Variants in GTF3C1 observed in about 807,000 individuals in gnomAD.
GTF3C1 encodes the protein general transcription factor IIIC subunit 1.
GTF3C1 carries 57 observed loss-of-function variants against 226.7 expected under a neutral mutation model. The ratio of observed to expected loss-of-function variants is 0.25; its 90% confidence interval spans 0.20 to 0.31. The LOEUF is 0.31. Ranked by LOEUF, GTF3C1 falls within the 10% of genes least tolerant of loss-of-function variation. The pLI is 1.00. For missense variants in GTF3C1, 2,217 were observed against 2,776.1 expected (o/e 0.80, Z 4.53); for synonymous variants, 1,090 against 1,084.8 (o/e 1.00, Z -0.09).
At chr16:27,544,195 C>G (rs1309106294) in intron 2 of GTF3C1, among the ~76,000 whole-genome samples, 1 of 151,818 alleles carries the variant, frequency 6.6e-6, no homozygotes, top group Admixed American at 6.6e-5. Context: ...TTGAGACCAG[C>G]CTGAGCAACA....
chr16:27,511,640 A>G (rs777814701), intron 7 of GTF3C1, 109 bp downstream of exon 7: 17 of 1,183,848 alleles, frequency 1.4e-5, no homozygotes, highest in Non-Finnish European at 2.0e-5. Context: ...GGCACTTCCC[A>G]TTGTATTACA....
Position 27,462,760 on chromosome 16 carries a change from G to T in GTF3C1, c.5925-274C>A. On this transcript the variant is annotated intron_variant, in intron 35 of 36. Transcript: ENST00000356183. This position sits in a 1 kb window ranked among gnomAD's most constrained non-coding sequence, Gnocchi z 4.5. ...GGCCCACCCACATTGGCAGGAGAGG[G>T]ACAAGGGTTGTGACTCCTGGACTTG... is the stretch of plus-strand genomic sequence containing the variant. 2.2e-6 allele frequency: 1 copy of T among 447,236 alleles called. No homozygotes were observed. The highest frequency in any genetic ancestry group is 4.1e-6 in the Non-Finnish European group (1 of 244,890). 27.7% of individuals were successfully genotyped at this position (447,236 alleles called of 1,614,324 possible). A position where few individuals can be genotyped will look rare whatever the true frequency, so the allele number is the denominator to read the frequency against.
Position 27,461,999 on chromosome 16 carries a change from A to C in GTF3C1, c.6117+295T>G. ...GCAGGAAGCAGCTGCACCAGGGGGC[A>C]GCTGCTTGACCCGTGGGGCCCGGCG... On this transcript the variant is annotated intron_variant, in intron 36 of 36. Transcript: ENST00000356183. This position sits in a 1 kb window ranked among gnomAD's most constrained non-coding sequence, Gnocchi z 5.3. 2.4e-6 allele frequency: 1 copy of C among 420,236 alleles called. No individual in the cohort carries two copies. The highest frequency in any genetic ancestry group is 4.3e-6 in the Non-Finnish European group (1 of 232,988). The allele number at this position is 420,236 out of a possible 1,614,324, so 26.0% of individuals were successfully genotyped here.
At chr16:27,528,499 C>T in intron 6 of GTF3C1, 99 bp downstream of exon 6, 1 of 931,660 alleles carries the variant, frequency 1.1e-6, no homozygotes, top group Non-Finnish European at 1.7e-6. Flanking sequence ...ATCATTATGC[C>T]ACAAGGCAGA....
chr16:27,484,905 G>GT (rs2088112718), intron 24 of GTF3C1, among the ~76,000 whole-genome samples: 2 of 152,232 alleles, frequency 1.3e-5, no homozygotes, highest in African/African-American at 4.8e-5. Flanking sequence ...CAAAAAGTCT[G>GT]TAAGTTCTGG....
chr16:27,514,779 C>T (rs1417036405), intron 6 of GTF3C1, among the ~76,000 whole-genome samples: 2 of 152,220 alleles, frequency 1.3e-5, no homozygotes, highest in African/African-American at 4.8e-5. Flanking sequence ...AACAAATGCC[C>T]CTTTGCTAGT....
rs1195192799 is a variant in GTF3C1 at position 27,498,072 on chromosome 16, C to T, written c.2166-251G>A. Among the ~76,000 whole-genome samples the T allele has an allele frequency of 2.6e-5, 4 of 152,158 alleles. No homozygotes were observed. In the South Asian group the frequency reaches 8.3e-4, roughly 32 times the overall value. On this transcript the variant is annotated intron_variant, in intron 13 of 36. Coordinates refer to ENST00000356183, the MANE Select transcript of GTF3C1 (RefSeq NM_001520.4). ...CTGCCTTGTGAGAAAGGGAACCCAACGTGCTAGATCTTCAGACATGTGCAT... is the reference window on the plus strand; with the variant it reads ...CTGCCTTGTGAGAAAGGGAACCCAATGTGCTAGATCTTCAGACATGTGCAT...
intron 10 of GTF3C1, among the ~76,000 whole-genome samples, chr16:27,505,553 G>A (rs1289987878): frequency 6.6e-6 from 1 of 152,148 alleles, no homozygotes; most frequent in Non-Finnish European, 1.5e-5. Context: ...AGAGAGTTGT[G>A]GCATCCAATG....
At chr16:27,505,319 G>C (rs561525771) in intron 10 of GTF3C1, among the ~76,000 whole-genome samples, 4 of 152,158 alleles carry the variant, frequency 2.6e-5, no homozygotes, top group Admixed American at 2.6e-4. Flanking sequence ...AAATGATATT[G>C]GCCATTTATC....
intron 5 of GTF3C1, 114 bp from the exon 6 acceptor site, chr16:27,528,835 GT>G: frequency 1.9e-6 from 2 of 1,048,256 alleles, no homozygotes; most frequent in Admixed American, 3.9e-5. Context: ...TTATCTTGAG[GT>G]ACTAATGAGG....
At chr16:27,523,928 A>G (rs1401311123) in intron 6 of GTF3C1, among the ~76,000 whole-genome samples, 1 of 152,172 alleles carries the variant, frequency 6.6e-6, no homozygotes, top group Non-Finnish European at 1.5e-5. Context: ...GACCGTCATC[A>G]TCTTGGTGCC....
chr16:27,492,571 C>A lies in GTF3C1; in HGVS notation c.2973+46G>T, dbSNP rs768812849. 4 of 1,542,434 alleles carry A rather than the reference C, an allele frequency of 2.6e-6. No individual in the cohort carries two copies. The highest frequency in any genetic ancestry group is 1.1e-5 in the South Asian group (1 of 89,660). The stretch of plus-strand genomic sequence containing the variant: ...ACATTGGGTCTGGCTGCTTGGAGAC[C>A]GTTTAACAATCAGAATTTCCTTCGT... On this transcript the variant is annotated intron_variant, in intron 18 of 36. Transcript: ENST00000356183. The surrounding 1 kb of genome is among the most constrained non-coding windows in gnomAD (Gnocchi z 5.0).
chr16:27,495,199 G>A lies in GTF3C1; in HGVS notation c.2632+12C>T. The A allele has an allele frequency of 1.9e-6, 3 of 1,596,630 alleles. No individual in the cohort carries two copies. Among genetic ancestry groups the A allele is most frequent in the Non-Finnish European group, 2.6e-6 (3 of 1,166,622 alleles). ...GCCCGCCCCAGGTGCAGGAGTGGCA[G>A]GGGCCTCTCACCTGTCTCCGTGGCA... On this transcript the variant is annotated intron_variant, in intron 15 of 36. Coordinates refer to ENST00000356183, the MANE Select transcript of GTF3C1 (RefSeq NM_001520.4).
In GTF3C1 at chr16:27,538,205, G is replaced by C; in HGVS notation, c.583C>G (p.Arg195Gly). 1 of 1,582,218 alleles carries C rather than the reference G, an allele frequency of 6.3e-7. No individual in the cohort carries two copies. The highest frequency in any genetic ancestry group is 8.6e-7 in the Non-Finnish European group (1 of 1,167,028). Residue 195 changes from arginine (R) to glycine (G), a missense_variant, in exon 3 of 37, where the codon CGA becomes GGA. By Grantham distance (125) the Arg-to-Gly change is moderately radical. Around this residue, in one of 12 missense-constraint regions of GTF3C1, gnomAD observed 192 missense variants for 251.8 expected, o/e 0.76. Coordinates refer to ENST00000356183, the MANE Select transcript of GTF3C1 (RefSeq NM_001520.4). ...GRSRWQGELQ[R>G]DLHTTAFKVD... The stretch of plus-strand genomic sequence containing the variant: ...TTGAAAGCAGTGGTGTGAAGGTCTC[G>C]CTGGAGCTCCCCTTGCCACCTGGAC...
chr16:27,527,989 A>G (rs907683825), intron 6 of GTF3C1, among the ~76,000 whole-genome samples: 5 of 148,446 alleles, frequency 3.4e-5, no homozygotes, highest in African/African-American at 1.3e-4. Context: ...AAAAAAAAAA[A>G]GAGGCTGAGT....
rs2087739833 is a variant in GTF3C1 at position 27,463,789 on chromosome 16, A to G, written c.5873-197T>C. 5 of 610,118 alleles carry G rather than the reference A, an allele frequency of 8.2e-6. No homozygotes were observed. The highest frequency in any genetic ancestry group is 1.5e-5 in the Non-Finnish European group (5 of 344,526). 37.8% of individuals were successfully genotyped at this position (610,118 alleles called of 1,614,324 possible). On this transcript the variant is annotated intron_variant, in intron 34 of 36. Coordinates refer to ENST00000356183, the MANE Select transcript of GTF3C1 (RefSeq NM_001520.4). This position sits in a 1 kb window ranked among gnomAD's most constrained non-coding sequence, Gnocchi z 4.9. ...CAGGGCCGGGCAGACTGCCGCACACAGCGCCACATGCAAGCAGCGTCCCAG... is the reference window on the plus strand; with the variant it reads ...CAGGGCCGGGCAGACTGCCGCACACGGCGCCACATGCAAGCAGCGTCCCAG...
Position 27,533,488 on chromosome 16 carries a change from AT to A in GTF3C1, c.753-102del. ...TGACAAAGCAAGACTTGACTTAATC[AT>A]TTTACAATAAATAACAGAATCTTTT... On this transcript the variant is annotated intron_variant, in intron 4 of 36. Transcript: ENST00000356183. 3 of 681,594 alleles carry A rather than the reference AT, an allele frequency of 4.4e-6. No individual in the cohort carries two copies. In the Admixed American group the frequency reaches 6.5e-5, roughly 15 times the overall value. The allele number at this position is 681,594 out of a possible 1,614,324, so 42.2% of individuals were successfully genotyped here. A position where few individuals can be genotyped will look rare whatever the true frequency, so the allele number is the denominator to read the frequency against.
chr16:27,508,692 A>AT, intron 7 of GTF3C1, 37 bp from the exon 8 acceptor site: 1 of 1,471,726 alleles, frequency 6.8e-7, no homozygotes, highest in Non-Finnish European at 9.5e-7. Context: ...AAACCGCTGC[A>AT]AAGGAGCTGT....
In GTF3C1 at chr16:27,501,226, G is replaced by A. The variant is rs777430054; in HGVS notation, c.2026C>T (p.Arg676Trp). 1 of 1,613,994 alleles carries A rather than the reference G, an allele frequency of 6.2e-7. No homozygotes were observed. Among genetic ancestry groups the A allele is most frequent in the Admixed American group, 1.7e-5 (1 of 60,016 alleles). ...LSEEGLLRLY[R>W]TTVIQDGIKK... Reference sequence around the variant, plus strand: ...ATGCCATCTTGAATGACAGTGGTCCGATACAATCGCAAGAGACCTTCCTCA... The same window carrying A: ...ATGCCATCTTGAATGACAGTGGTCCAATACAATCGCAAGAGACCTTCCTCA... The change falls in exon 12 of 37, where the codon CGG becomes TGG. Residue 676 changes from arginine to tryptophan, a missense_variant. Physicochemically the swap from Arg to Trp is moderately radical, Grantham distance 101 (BLOSUM62 -3). Coordinates refer to ENST00000356183, the MANE Select transcript of GTF3C1 (RefSeq NM_001520.4).
Sources: allele counts gnomAD v4.1 joint callset (sites outside exome capture counted in the v4.1 genomes callset), GRCh38; gene constraint gnomAD v4.1.1; regional missense constraint gnomAD v4.1.1; non-coding constraint Gnocchi (gnomAD v3.1); transcripts MANE v1.5; gene names NCBI Gene and HGNC (gene_info 2026-07-23, HGNC 2026-07-21).